The following PHKB variants were observed in gnomAD, a reference collection of about 807,000 sequenced individuals.
The protein encoded by PHKB is phosphorylase kinase regulatory subunit beta.
In PHKB, 122 loss-of-function variants were observed where a neutral mutation model predicts 152.1. The ratio of observed to expected loss-of-function variants is 0.80; its 90% confidence interval spans 0.69 to 0.93. The LOEUF is 0.93. PHKB is among the 40% of genes least tolerant of loss of function. The probability of loss-of-function intolerance (pLI) is 0.00; values close to 1 mark genes in which losing one functional copy is unlikely to be tolerated. For synonymous variants in PHKB, 436 were observed against 464.9 expected (o/e 0.94, Z 0.80); for missense variants, 1,304 against 1,328.4 (o/e 0.98, Z 0.29).
At position 47,668,745 on chromosome 16, in the gene PHKB, A is replaced by C. The variant is rs189199116; in HGVS notation, c.2428-470A>C. ...GGCTACACAGGAACTGGGTGGCCTCACACCTGCCTTTGAAAGGTTATAGTG... is the reference window on the plus strand; with the variant it reads ...GGCTACACAGGAACTGGGTGGCCTCCCACCTGCCTTTGAAAGGTTATAGTG... On this transcript the variant is annotated intron_variant, in intron 25 of 30. Coordinates refer to ENST00000323584, the MANE Select transcript of PHKB (RefSeq NM_000293.3). 2.0e-4 allele frequency among the ~76,000 whole-genome samples: 31 copies of C among 152,322 alleles called. No individual in the cohort carries two copies. In the East Asian group the frequency reaches 4.8e-3, roughly 24 times the overall value.
At chr16:47,695,920 A>G (rs1974139157) in intron 28 of PHKB, among the ~76,000 whole-genome samples, 1 of 152,164 alleles carries the variant, frequency 6.6e-6, no homozygotes, top group East Asian at 1.9e-4. Flanking sequence ...TTCTGCACAT[A>G]ATATTGTTTT....
chr16:47,607,553 ATACAT>A (rs1267109659), intron 13 of PHKB, among the ~76,000 whole-genome samples: 1 of 152,210 alleles, frequency 6.6e-6, no homozygotes, highest in Non-Finnish European at 1.5e-5. Context: ...CATTGTATAT[ATACAT>A]TACATTTTAT....
chr16:47,539,509 A>G (rs1971013272), intron 6 of PHKB, among the ~76,000 whole-genome samples: 2 of 152,156 alleles, frequency 1.3e-5, no homozygotes, highest in African/African-American at 2.4e-5. Flanking sequence ...AATAATAGAT[A>G]CATTGTTGAA....
chr16:47,616,486 A>G (rs560529134), intron 14 of PHKB, among the ~76,000 whole-genome samples: 137 of 146,164 alleles, frequency 9.4e-4, no homozygotes, highest in Non-Finnish European at 1.5e-3. Flanking sequence ...ATCAATTAAT[A>G]TATATTTTAT....
At chr16:47,567,029 T>C (rs1971581371) in intron 7 of PHKB, 4 of 383,068 alleles carry the variant, frequency 1.0e-5, no homozygotes, top group Non-Finnish European at 1.9e-5. Context: ...TAATGTGATA[T>C]CTCCAGATTT....
chr16:47,627,040 A>G (rs1397200445), intron 14 of PHKB, among the ~76,000 whole-genome samples: 1 of 152,178 alleles, frequency 6.6e-6, no homozygotes, highest in Non-Finnish European at 1.5e-5. Flanking sequence ...ATGGTTTACC[A>G]CTAGGGACCT....
At chr16:47,665,939 C>CT in intron 25 of PHKB, 16 of 1,610,758 alleles carry the variant, frequency 9.9e-6, no homozygotes, top group Non-Finnish European at 1.4e-5. Context: ...TCTTTGCCCC[C>CT]AGGTCGGTTG....
intron 27 of PHKB, 146 bp downstream of exon 27, chr16:47,689,321 G>A (rs1435811991): frequency 1.2e-5 from 9 of 749,048 alleles, no homozygotes; most frequent in Admixed American, 8.3e-5. Context: ...GATGGAAAGT[G>A]TAAACAGAAA....
At chr16:47,489,690 A>G (rs1386865455) in intron 1 of PHKB, among the ~76,000 whole-genome samples, 9 of 152,204 alleles carry the variant, frequency 5.9e-5, no homozygotes. Context: ...ATGGGTTAGG[A>G]GCACTGTACA....
intron 1 of PHKB, among the ~76,000 whole-genome samples, chr16:47,485,335 G>A (rs1050320214): frequency 6.6e-6 from 1 of 152,158 alleles, no homozygotes; most frequent in Non-Finnish European, 1.5e-5. Context: ...GATGCTCACA[G>A]TGCTGAATCT....
At position 47,660,769 on chromosome 16, in the gene PHKB, A is replaced by G. The variant is rs1469972512; in HGVS notation, c.2146A>G (p.Ile716Val). Reference sequence around the variant, plus strand: ...ACTGGGACAGCAGCCGGATGTCAACATTAGTGAATGGAAGGACAAACCCAC... The same window carrying G: ...ACTGGGACAGCAGCCGGATGTCAACGTTAGTGAATGGAAGGACAAACCCAC... ...PELGQQPDVN[I>V]SEWKDKPTHE... is the part of the protein sequence containing the mutation. The change falls in exon 22 of 31, where the codon ATT (isoleucine) becomes GTT (valine). Residue 716 changes from isoleucine to valine, a missense_variant. Ile to Val is a conservative substitution (Grantham distance 29). Coordinates refer to ENST00000323584, the MANE Select transcript of PHKB (RefSeq NM_000293.3). 3 of 1,614,138 alleles carry G rather than the reference A, an allele frequency of 1.9e-6. No individual in the cohort carries two copies. In the South Asian group the frequency reaches 3.3e-5, roughly 18 times the overall value.
At chr16:47,593,149 G>A (rs1248762295) in intron 10 of PHKB, among the ~76,000 whole-genome samples, 1 of 141,350 alleles carries the variant, frequency 7.1e-6, no homozygotes, top group Non-Finnish European at 1.5e-5. Context: ...AAGGAAGGAA[G>A]GAGAAAGAAG....
chr16:47,533,655 A>G (rs915653946), intron 6 of PHKB, among the ~76,000 whole-genome samples: 2 of 152,154 alleles, frequency 1.3e-5, no homozygotes, highest in African/African-American at 2.4e-5. Context: ...CTCCAAGATC[A>G]TAGTGGGTAC....
intron 16 of PHKB, 107 bp downstream of exon 16, chr16:47,641,799 A>G (rs1973027899): frequency 1.4e-6 from 1 of 720,114 alleles, no homozygotes; most frequent in Non-Finnish European, 2.6e-6. Flanking sequence ...ATTCTGATAT[A>G]GGACCAGTAA....
intron 7 of PHKB, 52 bp downstream of exon 7, chr16:47,547,600 G>A (rs756898086): frequency 2.0e-6 from 2 of 992,620 alleles, no homozygotes; most frequent in Admixed American, 3.5e-5. Context: ...TATGGAATTT[G>A]AATATGAAGA....
At chr16:47,588,654 C>T (rs530724496) in intron 9 of PHKB, among the ~76,000 whole-genome samples, 5 of 152,150 alleles carry the variant, frequency 3.3e-5, no homozygotes, top group East Asian at 1.9e-4. Flanking sequence ...TAAATTTTTG[C>T]GCACCATTTT....
intron 27 of PHKB, among the ~76,000 whole-genome samples, chr16:47,692,924 T>A (rs1597186633): frequency 6.6e-6 from 1 of 152,210 alleles, no homozygotes; most frequent in South Asian, 2.1e-4. Context: ...ATTTATTCAT[T>A]CACTTTTTAA....
chr16:47,656,198 T>C (rs1370835176), intron 20 of PHKB, among the ~76,000 whole-genome samples: 2 of 152,036 alleles, frequency 1.3e-5, no homozygotes, highest in Non-Finnish European at 2.9e-5. Flanking sequence ...TTTGTATTTT[T>C]AGTAGAGATG....
intron 16 of PHKB, among the ~76,000 whole-genome samples, chr16:47,642,393 A>G (rs1021729901): frequency 6.6e-6 from 1 of 152,198 alleles, no homozygotes; most frequent in Non-Finnish European, 1.5e-5. Flanking sequence ...AGATGGATCC[A>G]TTATTGCCTA....
Sources: gnomAD v4.1 joint callset for allele counts (sites outside exome capture counted in the v4.1 genomes callset) on GRCh38, gnomAD v4.1.1 for gene constraint, MANE v1.5 for transcripts, NCBI Gene and HGNC (gene_info 2026-07-23, HGNC 2026-07-21) for gene names.